The following ERCC6 variants were observed in gnomAD, a reference collection of about 807,000 sequenced individuals.
ERCC6 encodes the protein DNA excision repair protein ERCC-6.
A neutral mutation model predicts 158.7 loss-of-function variants in ERCC6; 116 were observed. The observed-to-expected ratio is 0.73, with a 90% CI of 0.63 to 0.85. The LOEUF (loss-of-function observed/expected upper bound fraction) is 0.85, where lower values mean the gene tolerates loss of function less well. ERCC6 is among the 40% of genes least tolerant of loss of function. The probability of loss-of-function intolerance (pLI) is 0.00; values close to 1 mark genes in which losing one functional copy is unlikely to be tolerated. For missense variants in ERCC6, 1,698 were observed against 1,799.4 expected (o/e 0.94, Z 1.02); for synonymous variants, 678 against 659.3 (o/e 1.03, Z -0.43).
At chr10:49,452,449 C>T (rs1204317066), downstream of ERCC6, among the ~76,000 whole-genome samples, 1 of 152,028 alleles carries the variant, frequency 6.6e-6, no homozygotes, top group African/African-American at 2.4e-5. Context: ...TCACAAAATG[C>T]ACTTTGCATT....
chr10:49,467,216 A>G (rs983728651), intron 18 of ERCC6, among the ~76,000 whole-genome samples: 1 of 152,234 alleles, frequency 6.6e-6, no homozygotes, highest in Non-Finnish European at 1.5e-5. Context: ...TCGTATGGAC[A>G]TATTTTTCCA....
intron 5 of ERCC6, among the ~76,000 whole-genome samples, chr10:49,522,694 T>C (rs1441110445): frequency 6.6e-6 from 1 of 152,250 alleles, no homozygotes; most frequent in Non-Finnish European, 1.5e-5. Flanking sequence ...GCTCCATTTA[T>C]AATCAATATG....
intron 5 of ERCC6, chr10:49,517,177 C>A: frequency 2.0e-6 from 3 of 1,501,680 alleles, no homozygotes; most frequent in South Asian, 1.4e-5. Context: ...GCCTAGTGTT[C>A]CAAAAATGGA....
intron 18 of ERCC6, among the ~76,000 whole-genome samples, chr10:49,463,665 A>G (rs1382973374): frequency 3.9e-5 from 6 of 152,212 alleles, no homozygotes; most frequent in African/African-American, 1.4e-4. Context: ...GTGACATGGG[A>G]GGAACCCAGT....
chr10:49,537,692 C>T (rs939624929), intron 1 of ERCC6, among the ~76,000 whole-genome samples: 2 of 151,984 alleles, frequency 1.3e-5, no homozygotes, highest in South Asian at 2.1e-4. Context: ...GTAAAGTGAA[C>T]GTCTTGCAAG....
rs1412751089 is a variant in ERCC6 at position 49,474,610 on chromosome 10, A to C, written c.2383-368T>G. ...AATATGGATCAGAAATGTCCTATCA[A>C]CCTAAATTTGGAGACATCAGTCATG... On this transcript the variant is annotated intron_variant, in intron 12 of 20. Transcript: ENST00000355832. Among the ~76,000 whole-genome samples the C allele has an allele frequency of 3.9e-5, 6 of 152,206 alleles. No individual in the cohort carries two copies. In the East Asian group the frequency reaches 1.2e-3, roughly 29 times the overall value.
chr10:49,517,156 G>C lies in ERCC6; in HGVS notation c.1397+6877C>G. On this transcript the variant is annotated intron_variant, in intron 5 of 20. Coordinates refer to ENST00000355832, the MANE Select transcript of ERCC6 (RefSeq NM_000124.4). ...AAAAAAGGTATTATTAGTCCTAGTGGTAGTGGTTTTGCCTAGTGTTCCAAA... is the reference window on the plus strand; with the variant it reads ...AAAAAAGGTATTATTAGTCCTAGTGCTAGTGGTTTTGCCTAGTGTTCCAAA... The C allele has an allele frequency of 4.6e-6, 7 of 1,536,502 alleles. 1 individual carries two copies. The highest frequency in any genetic ancestry group is 3.5e-4 in the Middle Eastern group (2 of 5,698).
In ERCC6 at chr10:49,487,054, C is replaced by T. The variant is rs113372945; in HGVS notation, c.1822-3538G>A. 3.6e-3 allele frequency among the ~76,000 whole-genome samples: 552 copies of T among 152,266 alleles called. 3 individuals carry two copies. The highest frequency in any genetic ancestry group is 0.013 in the African/African-American group (522 of 41,544). ...TTCATGTAATCACAATCATCTAATA[C>T]AAATTTTATAAAATTCAACATCTTC... On this transcript the variant is annotated intron_variant, in intron 8 of 20. Transcript: ENST00000355832.
chr10:49,471,481 C>A (rs764923278), intron 16 of ERCC6, among the ~76,000 whole-genome samples: 15 of 152,130 alleles, frequency 9.9e-5, no homozygotes, highest in Non-Finnish European at 1.8e-4. Flanking sequence ...CTAGAACCTT[C>A]CTATCATAGG....
chr10:49,471,141 C>T, intron 16 of ERCC6, 21 bp from the exon 17 acceptor site: 1 of 1,612,620 alleles, frequency 6.2e-7, no homozygotes, highest in Non-Finnish European at 8.5e-7. Flanking sequence ...AAAAGATAAG[C>T]TGGTATAAAA....
chr10:49,475,330 T>C (rs961168232), intron 12 of ERCC6: 2 of 402,370 alleles, frequency 5.0e-6, no homozygotes. Context: ...ATTTCACCTG[T>C]TTCTCTTTTT....
chr10:49,535,678 TCA>T (rs1169032530), intron 1 of ERCC6, among the ~76,000 whole-genome samples: 1 of 152,146 alleles, frequency 6.6e-6, no homozygotes, highest in Non-Finnish European at 1.5e-5. Flanking sequence ...TAAAATAATA[TCA>T]AAAAGCAATA....
At chr10:49,448,041 G>C in the ERCC6 span, among the ~76,000 whole-genome samples, 76 of 152,246 alleles carry the variant, frequency 5.0e-4, no homozygotes, top group African/African-American at 1.8e-3. Context: ...TTTTCAGTTT[G>C]TGGAATATTC....
At chr10:49,454,026 A>G (rs147548816), downstream of ERCC6, among the ~76,000 whole-genome samples, 1 of 152,270 alleles carries the variant, frequency 6.6e-6, no homozygotes, top group Non-Finnish European at 1.5e-5. Flanking sequence ...CAGTCATTGT[A>G]TCTTTAAATA....
At chr10:49,533,532 C>T (rs982621425) in intron 1 of ERCC6, among the ~76,000 whole-genome samples, 2 of 152,174 alleles carry the variant, frequency 1.3e-5, no homozygotes, top group African/African-American at 4.8e-5. Flanking sequence ...CCTGTAATCC[C>T]AGCACTTTGG....
At chr10:49,532,490 T>C in intron 2 of ERCC6, 53 bp downstream of exon 2, 1 of 1,607,208 alleles carries the variant, frequency 6.2e-7, no homozygotes, top group African/African-American at 1.3e-5. Flanking sequence ...TACCTGAATA[T>C]CCCTGTCATG....
intron 10 of ERCC6, among the ~76,000 whole-genome samples, chr10:49,481,045 T>C (rs1012658358): frequency 6.6e-6 from 1 of 152,226 alleles, no homozygotes; most frequent in Non-Finnish European, 1.5e-5. Context: ...ACTGGCTATG[T>C]AAGAGGCGAT....
chr10:49,511,985 G>A lies in ERCC6; in HGVS notation c.1398-5973C>T, dbSNP rs192371768. Among the ~76,000 whole-genome samples the A allele has an allele frequency of 7.3e-4, 111 of 152,280 alleles. 1 individual carries two copies. In the East Asian group the frequency reaches 0.02, roughly 27 times the overall value. On this transcript the variant is annotated intron_variant, in intron 5 of 20. Coordinates refer to ENST00000355832, the MANE Select transcript of ERCC6 (RefSeq NM_000124.4). ...TTTTATGAGGACTAAATGAAATTAT[G>A]TATGTACATTATACTTTTGAAACTA...
At chr10:49,484,076 C>T (rs537002410) in intron 8 of ERCC6, among the ~76,000 whole-genome samples, 1 of 151,424 alleles carries the variant, frequency 6.6e-6, no homozygotes, top group African/African-American at 2.4e-5. Context: ...CCCAGGAGTT[C>T]GAGACCAGCC....
Sources: allele counts gnomAD v4.1 joint callset (sites outside exome capture counted in the v4.1 genomes callset), GRCh38; gene constraint gnomAD v4.1.1; transcripts MANE v1.5; gene names NCBI Gene and HGNC (gene_info 2026-07-23, HGNC 2026-07-21).